The following KCNV2 variants were observed in gnomAD, a reference collection of about 807,000 sequenced individuals.
The protein encoded by KCNV2 is potassium voltage-gated channel subfamily V member 2.
A neutral mutation model predicts 37.0 loss-of-function variants in KCNV2; 65 were observed. The observed-to-expected ratio is 1.76, with a 90% CI of 1.44 to 2.16. The LOEUF (loss-of-function observed/expected upper bound fraction) is 2.16. Among genes scored for constraint, KCNV2 ranks in the 30% most tolerant of loss-of-function variants. The pLI, the probability that KCNV2 is intolerant of heterozygous loss-of-function variation, is 0.00. For missense variants in KCNV2, 1,232 were observed against 766.7 expected (o/e 1.61, Z -7.17); for synonymous variants, 518 against 328.6 (o/e 1.58, Z -6.23).
rs569753022 is a variant in KCNV2, at chr9:2,726,406, T to C, written c.1357-3040T>C. ...TAGAGATTGAAGATATACAAAAATA[T>C]TTGGATCATATTATACACATCAGAT... is the stretch of plus-strand genomic sequence containing the variant. On this transcript the variant is annotated intron_variant, in intron 1 of 1. Transcript: ENST00000382082. Among the ~76,000 whole-genome samples the C allele has an allele frequency of 4.1e-4, 62 of 152,290 alleles. No individual in the cohort carries two copies. In the South Asian group the frequency reaches 0.012, roughly 29 times the overall value.
chr9:2,723,641 CTA>C (rs1462181697), intron 1 of KCNV2, among the ~76,000 whole-genome samples: 5 of 152,218 alleles, frequency 3.3e-5, no homozygotes, highest in Admixed American at 3.3e-4. Context: ...CCATAACTGA[CTA>C]GTTGATAGTC....
intron 1 of KCNV2, among the ~76,000 whole-genome samples, chr9:2,725,283 A>C (rs1006698): frequency 0.6 from 90,657 of 152,054 alleles, 27,953 homozygotes; most frequent in East Asian, 0.77. Flanking sequence ...GGTTGTTATT[A>C]TCCTGAAGGT....
intron 1 of KCNV2, among the ~76,000 whole-genome samples, chr9:2,719,495 G>A (rs1819822935): frequency 6.6e-6 from 1 of 151,876 alleles, no homozygotes. Context: ...GGGACAAGCA[G>A]AAATGGCTTC....
At chr9:2,728,955 G>T (rs1053487960) in intron 1 of KCNV2, among the ~76,000 whole-genome samples, 1 of 151,734 alleles carries the variant, frequency 6.6e-6, no homozygotes, top group Non-Finnish European at 1.5e-5. Context: ...CACTCAACTG[G>T]AAAGGTTCAG....
At chr9:2,726,013 G>C (rs1004310193) in intron 1 of KCNV2, among the ~76,000 whole-genome samples, 2 of 152,228 alleles carry the variant, frequency 1.3e-5, no homozygotes, top group Non-Finnish European at 2.9e-5. Context: ...CCAGTTTGCA[G>C]AGTTGCTGAG....
In KCNV2 at chr9:2,718,621, C is replaced by A; in HGVS notation, c.882C>A (p.Gly294=). The A allele has an allele frequency of 6.2e-7, 1 of 1,613,078 alleles. No individual in the cohort carries two copies. The highest frequency in any genetic ancestry group is 8.5e-7 in the Non-Finnish European group (1 of 1,179,800). ...AGCAGCACTCGGGGCAGGGCGAGGG[C>A]GGCCCAGACCTGCGGCCCATCCTGG... The part of the protein sequence containing the change: ...EMQQHSGQGE[G]GPDLRPILEH... Residue 294 remains glycine, a synonymous_variant, in exon 1 of 2, where the codon GGC becomes GGA. Coordinates refer to ENST00000382082, the MANE Select transcript of KCNV2 (RefSeq NM_133497.4).
intron 1 of KCNV2, among the ~76,000 whole-genome samples, chr9:2,726,973 C>T (rs573914470): frequency 1.3e-5 from 2 of 152,222 alleles, no homozygotes; most frequent in East Asian, 1.9e-4. Flanking sequence ...CCCCCAACCC[C>T]GTCCATGGGA....
chr9:2,718,021 C>A lies in KCNV2; in HGVS notation c.282C>A (p.Ala94=). The A allele has an allele frequency of 1.2e-6, 2 of 1,613,078 alleles. No individual in the cohort carries two copies. The highest frequency in any genetic ancestry group is 1.7e-6 in the Non-Finnish European group (2 of 1,179,508). The change falls in exon 1 of 2, where the codon GCC becomes GCA. Residue 94 remains alanine, a synonymous_variant. Coordinates refer to ENST00000382082, the MANE Select transcript of KCNV2 (RefSeq NM_133497.4). The part of the protein sequence containing the change: ...AKPEGPSDPP[A]LLSTLNVNVG... ...CCGAGGGCCCCAGCGACCCTCCGGCCCTGCTGTCCACGCTGAATGTGAACG... is the reference window on the plus strand; with the variant it reads ...CCGAGGGCCCCAGCGACCCTCCGGCACTGCTGTCCACGCTGAATGTGAACG...
intron 1 of KCNV2, among the ~76,000 whole-genome samples, chr9:2,723,758 A>T (rs1819921146): frequency 6.6e-6 from 1 of 152,218 alleles, no homozygotes; most frequent in South Asian, 2.1e-4. Flanking sequence ...CCTATAAAAC[A>T]TACGAGAAGG....
chr9:2,718,848 G>T lies in KCNV2; in HGVS notation c.1109G>T (p.Gly370Val). Residue 370 changes from glycine to valine, a missense_variant, in exon 1 of 2, where the codon GGT (glycine) becomes GTT (valine). Coordinates refer to ENST00000382082, the MANE Select transcript of KCNV2 (RefSeq NM_133497.4). ...CGCGGCCAGACGGTGGGCAGCGTGG[G>T]TAAGGTGGGTCAGGTGTTGCGCGTC... ...HQRGQTVGSV[G>V]KVGQVLRVMR... The T allele has an allele frequency of 1.2e-6, 2 of 1,609,404 alleles. No individual in the cohort carries two copies. The highest frequency in any genetic ancestry group is 2.2e-5 in the East Asian group (1 of 44,872).
Position 2,718,373 on chromosome 9 carries a change from G to C in KCNV2, c.634G>C (p.Glu212Gln). 3 of 1,599,696 alleles carry C rather than the reference G, an allele frequency of 1.9e-6. No individual in the cohort carries two copies. The highest frequency in any genetic ancestry group is 2.6e-6 in the Non-Finnish European group (3 of 1,174,658). ...CFEERRDELS[E>Q]RLKIQHELRA... ...CGAGGAGCGGCGCGACGAGCTGAGCGAACGGCTCAAGATCCAGCACGAGCT... is the reference window on the plus strand; with the variant it reads ...CGAGGAGCGGCGCGACGAGCTGAGCCAACGGCTCAAGATCCAGCACGAGCT... The change falls in exon 1 of 2, where the codon GAA becomes CAA. Residue 212 changes from glutamate to glutamine, a missense_variant. By Grantham distance (29) the Glu-to-Gln change is conservative. Coordinates refer to ENST00000382082, the MANE Select transcript of KCNV2 (RefSeq NM_133497.4).
rs764199468 is a variant in KCNV2 at position 2,718,231 on chromosome 9, C to T, written c.492C>T (p.Phe164=). The T allele has an allele frequency of 6.2e-7, 1 of 1,613,542 alleles. No individual in the cohort carries two copies. The highest frequency in any genetic ancestry group is 1.1e-5 in the South Asian group (1 of 91,042). ...CCGTCTTCCAGCTGGTCTACAATTT[C>T]TACCTGTCCGGGGTGCTGCTGGTGC... ...DPAVFQLVYN[F]YLSGVLLVLD... Residue 164 remains phenylalanine (F), a synonymous_variant, in exon 1 of 2, where the codon TTC becomes TTT. Transcript: ENST00000382082.
chr9:2,721,050 A>G (rs376589874), intron 1 of KCNV2, among the ~76,000 whole-genome samples: 1 of 152,312 alleles, frequency 6.6e-6, no homozygotes, highest in South Asian at 2.1e-4. Flanking sequence ...CATAAATTTT[A>G]CAAAAATTGA....
chr9:2,718,604 T>C lies in KCNV2; in HGVS notation c.865T>C (p.Ser289Pro), dbSNP rs1225098529. ...CACCGTGGAGGAGATGCAGCAGCAC[T>C]CGGGGCAGGGCGAGGGCGGCCCAGA... ...LNTVEEMQQH[S>P]GQGEGGPDLR... Residue 289 changes from serine to proline, a missense_variant, in exon 1 of 2, where the codon TCG (serine) becomes CCG (proline). Transcript: ENST00000382082. 27 of 1,612,934 alleles carry C rather than the reference T, an allele frequency of 1.7e-5. No homozygotes were observed. Among genetic ancestry groups the C allele is most frequent in the Non-Finnish European group, 2.2e-5 (26 of 1,179,812 alleles).
chr9:2,729,625 C>A lies in KCNV2; in HGVS notation c.1536C>A (p.Arg512=), dbSNP rs1459000922. ...AGGCTTATGAGTATACCACCATACG[C>A]AGGGAGAGGGGAGAGGTGAACTTCA... ...KLKAYEYTTI[R]RERGEVNFMQ... The change falls in exon 2 of 2, where the codon CGC becomes CGA. Residue 512 remains arginine (R), a synonymous_variant. Coordinates refer to ENST00000382082, the MANE Select transcript of KCNV2 (RefSeq NM_133497.4). The A allele has an allele frequency of 1.2e-6, 2 of 1,613,994 alleles. No individual in the cohort carries two copies. Among genetic ancestry groups the A allele is most frequent in the Non-Finnish European group, 1.7e-6 (2 of 1,179,972 alleles).
At chr9:2,719,221 C>G in intron 1 of KCNV2, 126 bp downstream of exon 1, 1 of 1,026,752 alleles carries the variant, frequency 9.7e-7, no homozygotes, top group Non-Finnish European at 1.5e-6. Flanking sequence ...CCCCCAATCG[C>G]CGCATACAGC....
chr9:2,720,194 A>C (rs1367558787), intron 1 of KCNV2, among the ~76,000 whole-genome samples: 1 of 152,248 alleles, frequency 6.6e-6, no homozygotes, highest in Non-Finnish European at 1.5e-5. Flanking sequence ...CTTCTGAGAC[A>C]AACCAACCCA....
rs74587818 is a variant in KCNV2 at position 2,718,415 on chromosome 9, G to C, written c.676G>C (p.Val226Leu). 4.4e-6 allele frequency: 7 copies of C among 1,603,838 alleles called. No individual in the cohort carries two copies. The highest frequency in any genetic ancestry group is 3.4e-5 in the Admixed American group (2 of 58,464). The part of the protein sequence containing the change: ...IQHELRAQAQ[V>L]EEAEELFRDM... Reference sequence around the variant, plus strand: ...GCACGAGCTGCGCGCGCAGGCGCAGGTCGAGGAGGCGGAGGAACTCTTCCG... The same window carrying C: ...GCACGAGCTGCGCGCGCAGGCGCAGCTCGAGGAGGCGGAGGAACTCTTCCG... Residue 226 changes from valine (V) to leucine (L), a missense_variant, in exon 1 of 2, where the codon GTC (valine) becomes CTC (leucine). By Grantham distance (32) the Val-to-Leu change is conservative. Coordinates refer to ENST00000382082, the MANE Select transcript of KCNV2 (RefSeq NM_133497.4).
At chr9:2,724,427 AATAG>A (rs1819935968) in intron 1 of KCNV2, among the ~76,000 whole-genome samples, 5 of 152,246 alleles carry the variant, frequency 3.3e-5, no homozygotes, top group Admixed American at 6.5e-5. Flanking sequence ...AATACAAGGA[AATAG>A]ATAGTTGTTA....
Sources: allele counts gnomAD v4.1 joint callset (sites outside exome capture counted in the v4.1 genomes callset), GRCh38; gene constraint gnomAD v4.1.1; transcripts MANE v1.5; gene names NCBI Gene and HGNC (gene_info 2026-07-23, HGNC 2026-07-21).